TLN1: variants seen among roughly 807,000 people sequenced by gnomAD.
The protein encoded by TLN1 is talin-1.
In TLN1, 56 loss-of-function variants were observed where a neutral mutation model predicts 292.3. That is an observed-to-expected ratio of 0.19 (90% CI 0.15 to 0.24). TLN1 has a LOEUF of 0.24. Ranked by LOEUF, TLN1 falls within the 10% of genes least tolerant of loss-of-function variation. The probability of loss-of-function intolerance (pLI) is 1.00; values close to 1 mark genes in which losing one functional copy is unlikely to be tolerated. For synonymous variants in TLN1, 1,119 were observed against 1,253.7 expected (o/e 0.89, Z 2.27); for missense variants, 2,433 against 3,248.2 (o/e 0.75, Z 6.10).
intron 1 of TLN1, among the ~76,000 whole-genome samples, chr9:35,729,799 G>C (rs115027024): frequency 6.6e-6 from 1 of 152,272 alleles, no homozygotes; most frequent in Admixed American, 6.5e-5. Flanking sequence ...TTGGGAAGAG[G>C]GGAAAGGATC....
chr9:35,712,940 A>C lies in TLN1; in HGVS notation c.3456T>G (p.Leu1152=). The C allele has an allele frequency of 6.2e-6, 10 of 1,610,200 alleles. No individual in the cohort carries two copies. Among genetic ancestry groups the C allele is most frequent in the Non-Finnish European group, 7.6e-6 (9 of 1,178,514 alleles). The part of the protein sequence containing the change: ...TSDPAVQAIV[L]DTASDVLDKA... ...TGTCCAGCACATCACTGGCCGTATC[A>C]AGTACAATGGCCTGCACTGCAGGAT... The change falls in exon 27 of 57, where the codon CTT becomes CTG. Residue 1152 remains leucine (L), a synonymous_variant. Coordinates refer to ENST00000314888, the MANE Select transcript of TLN1 (RefSeq NM_006289.4).
At chr9:35,720,727 G>T in intron 11 of TLN1, 85 bp downstream of exon 11, 2 of 1,353,272 alleles carry the variant, frequency 1.5e-6, no homozygotes, top group Non-Finnish European at 1.1e-6. Context: ...CCAGGTTCAA[G>T]CAATCTGAGT....
chr9:35,714,937 G>T lies in TLN1; in HGVS notation c.2755-61C>A. The T allele has an allele frequency of 6.2e-7, 1 of 1,606,406 alleles. No individual in the cohort carries two copies. The highest frequency in any genetic ancestry group is 2.2e-5 in the East Asian group (1 of 44,848). ...ATTCCCATGCCCAGCCCAGTCCCTG[G>T]CCTACCTTGCCCAGGTTATGCCTCA... On this transcript the variant is annotated intron_variant, in intron 21 of 56. Coordinates refer to ENST00000314888, the MANE Select transcript of TLN1 (RefSeq NM_006289.4). The surrounding 1 kb of genome is among the most constrained non-coding windows in gnomAD (Gnocchi z 4.6).
rs1194387777 is a variant in TLN1, at chr9:35,712,042, G to A, written c.3644C>T (p.Ala1215Val). ...GQRDVDNALRAVGDASKRLLS... is the reference protein window; with the variant it reads ...GQRDVDNALRVVGDASKRLLS... ...GAGTCGCTTGCTGGCATCTCCAACTGCCCTCAGGGCATTATCCACATCGCG... is the reference window on the plus strand; with the variant it reads ...GAGTCGCTTGCTGGCATCTCCAACTACCCTCAGGGCATTATCCACATCGCG... Residue 1215 changes from alanine to valine, a missense_variant, in exon 28 of 57, where the codon GCA becomes GTA. Physicochemically the swap from Ala to Val is moderately conservative, Grantham distance 64. Around this residue, in one of 7 missense-constraint regions of TLN1, gnomAD observed 1,384 missense variants for 1,699.6 expected, o/e 0.81. Transcript: ENST00000314888. The A allele has an allele frequency of 1.9e-6, 3 of 1,614,044 alleles. No homozygotes were observed. Among genetic ancestry groups the A allele is most frequent in the Non-Finnish European group, 2.5e-6 (3 of 1,180,026 alleles).
At position 35,706,863 on chromosome 9, in the gene TLN1, T is replaced by C; in HGVS notation, c.4993A>G (p.Ile1665Val). 1.2e-6 allele frequency: 2 copies of C among 1,614,036 alleles called. No homozygotes were observed. The highest frequency in any genetic ancestry group is 8.5e-7 in the Non-Finnish European group (1 of 1,180,010). ...APGQLECETAIAALNSCLRDL... is the reference protein window; with the variant it reads ...APGQLECETAVAALNSCLRDL... ...CGTAGACAACTGTTCAGAGCTGCAA[T>C]GGCCGTTTCACACTCCAGCTGCCCT... Residue 1665 changes from isoleucine to valine, a missense_variant, in exon 38 of 57, where the codon ATT (isoleucine) becomes GTT (valine). By Grantham distance (29) the Ile-to-Val change is conservative. Around this residue, in one of 7 missense-constraint regions of TLN1, gnomAD observed 1,384 missense variants for 1,699.6 expected, o/e 0.81. Transcript: ENST00000314888. This position sits in a 1 kb window ranked among gnomAD's most constrained non-coding sequence, Gnocchi z 4.2.
Position 35,711,735 on chromosome 9 carries a change from C to G in TLN1, c.3739G>C (p.Ala1247Pro). ...TCTGTGGCTGCCTGATTCAGCCCAG[C>G]AGCAGCTTCATTCAACCGGCTCTGA... The part of the protein sequence containing the change: ...EAQSRLNEAA[A>P]GLNQAATELV... Residue 1247 changes from alanine (A) to proline (P), a missense_variant, in exon 29 of 57, where the codon GCT becomes CCT. Around this residue, in one of 7 missense-constraint regions of TLN1, gnomAD observed 1,384 missense variants for 1,699.6 expected, o/e 0.81. Coordinates refer to ENST00000314888, the MANE Select transcript of TLN1 (RefSeq NM_006289.4). The G allele has an allele frequency of 6.2e-7, 1 of 1,614,182 alleles. No homozygotes were observed. Among genetic ancestry groups the G allele is most frequent in the East Asian group, 2.2e-5 (1 of 44,884 alleles).
At chr9:35,725,037 G>C in intron 3 of TLN1, 78 bp from the exon 4 acceptor site, 2 of 1,601,234 alleles carry the variant, frequency 1.2e-6, no homozygotes, top group Non-Finnish European at 8.5e-7. Context: ...CCCGAGGGGA[G>C]AGAGTGGAGC....
At position 35,714,157 on chromosome 9, in the gene TLN1, G is replaced by C; in HGVS notation, c.3121-76C>G. 12 of 1,602,918 alleles carry C rather than the reference G, an allele frequency of 7.5e-6. No individual in the cohort carries two copies. The highest frequency in any genetic ancestry group is 1.0e-5 in the Non-Finnish European group (12 of 1,171,564). On this transcript the variant is annotated intron_variant, in intron 24 of 56. Coordinates refer to ENST00000314888, the MANE Select transcript of TLN1 (RefSeq NM_006289.4). The surrounding 1 kb of genome is among the most constrained non-coding windows in gnomAD (Gnocchi z 4.6). ...AATGCCTCTGATTACACAATTATCT[G>C]CGTATTGGGTTATTCTGCACAGATT...
intron 25 of TLN1, 127 bp from the exon 26 acceptor site, chr9:35,713,425 T>C: frequency 1.4e-6 from 1 of 694,890 alleles, no homozygotes; most frequent in South Asian, 2.0e-5. Flanking sequence ...GGCTCCCACC[T>C]ATAATCCTAG....
chr9:35,713,077 T>C, intron 26 of TLN1, 34 bp from the exon 27 acceptor site: 1 of 1,577,824 alleles, frequency 6.3e-7, no homozygotes, highest in South Asian at 1.1e-5. Context: ...GAAGGGAAGG[T>C]GCTTTCATTG....
chr9:35,714,497 G>A lies in TLN1; in HGVS notation c.2985+77C>T, dbSNP rs1825741818. 1.3e-6 allele frequency: 2 copies of A among 1,586,164 alleles called. No individual in the cohort carries two copies. Among genetic ancestry groups the A allele is most frequent in the South Asian group, 1.1e-5 (1 of 89,856 alleles). Reference sequence around the variant, plus strand: ...GGTATTGGGAAAGAGGCTCTTGGCAGAGATTCAAACTGTGGGAGATGGAAG... The same window carrying A: ...GGTATTGGGAAAGAGGCTCTTGGCAAAGATTCAAACTGTGGGAGATGGAAG... On this transcript the variant is annotated intron_variant, in intron 23 of 56. Coordinates refer to ENST00000314888, the MANE Select transcript of TLN1 (RefSeq NM_006289.4). This position sits in a 1 kb window ranked among gnomAD's most constrained non-coding sequence, Gnocchi z 4.6.
intron 33 of TLN1, among the ~76,000 whole-genome samples, chr9:35,709,586 T>A (rs1436050329): frequency 6.6e-6 from 1 of 152,204 alleles, no homozygotes; most frequent in Non-Finnish European, 1.5e-5. Flanking sequence ...TCACTAGTAC[T>A]ATTTTAAGAA....
At position 35,703,761 on chromosome 9, in the gene TLN1, T is replaced by G. The variant is rs780527453; in HGVS notation, c.6357+14A>C. 6.2e-6 allele frequency: 10 copies of G among 1,614,244 alleles called. No individual in the cohort carries two copies. The highest frequency in any genetic ancestry group is 7.6e-6 in the Non-Finnish European group (9 of 1,180,050). On this transcript the variant is annotated intron_variant, in intron 47 of 56. Transcript: ENST00000314888. ...TCCAGTGCCCCTCCTGATGTTGCTC[T>G]CATTCTCTCCAACCTTGGCAGAGTT...
chr9:35,710,815 A>G lies in TLN1; in HGVS notation c.4185T>C (p.Ser1395=), dbSNP rs1038862651. The part of the protein sequence containing the change: ...NDMSYFGCLD[S]VMENSKVLGE... ...TGCTGACCTTTGAGTTCTCCATTACACTGTCCAGGCAACCAAAGTAGGACA... is the reference window on the plus strand; with the variant it reads ...TGCTGACCTTTGAGTTCTCCATTACGCTGTCCAGGCAACCAAAGTAGGACA... Residue 1395 remains serine (S), a synonymous_variant, in exon 32 of 57, where the codon AGT becomes AGC. Transcript: ENST00000314888. The G allele has an allele frequency of 6.2e-7, 1 of 1,614,182 alleles. No homozygotes were observed. The highest frequency in any genetic ancestry group is 2.2e-5 in the East Asian group (1 of 44,890).
At chr9:35,705,048 T>A (rs1226344223) in intron 43 of TLN1, among the ~76,000 whole-genome samples, 1 of 152,212 alleles carries the variant, frequency 6.6e-6, no homozygotes, top group African/African-American at 2.4e-5. Flanking sequence ...AGGATTGTGT[T>A]AAGCACAGTG....
Position 35,711,321 on chromosome 9 carries a change from G to C in TLN1, c.3953C>G (p.Ala1318Gly). Residue 1318 changes from alanine (A) to glycine (G), a missense_variant, in exon 30 of 57, where the codon GCT becomes GGT. This residue lies in a region of TLN1 where 1,384 missense variants were observed against 1,699.6 expected (regional missense o/e 0.81). Coordinates refer to ENST00000314888, the MANE Select transcript of TLN1 (RefSeq NM_006289.4). ...AGGGTCCGTGGACAGGGCCTTGGCAGCCAGAAGAAGTTTGCTTGAAGACAT... is the reference window on the plus strand; with the variant it reads ...AGGGTCCGTGGACAGGGCCTTGGCACCCAGAAGAAGTTTGCTTGAAGACAT... The part of the protein sequence containing the change: ...ISMSSSKLLL[A>G]AKALSTDPAA... The C allele has an allele frequency of 1.2e-6, 2 of 1,614,202 alleles. No individual in the cohort carries two copies. The highest frequency in any genetic ancestry group is 1.7e-6 in the Non-Finnish European group (2 of 1,180,040).
intron 33 of TLN1, among the ~76,000 whole-genome samples, chr9:35,708,857 C>G (rs1825610780): frequency 6.6e-6 from 1 of 152,130 alleles, no homozygotes; most frequent in African/African-American, 2.4e-5. Context: ...AAATACACAC[C>G]TTTGTGCACA....
chr9:35,707,860 G>T lies in TLN1; in HGVS notation c.4503C>A (p.His1501Gln). 6.2e-7 allele frequency: 1 copy of T among 1,614,036 alleles called. No individual in the cohort carries two copies. The highest frequency in any genetic ancestry group is 1.1e-5 in the South Asian group (1 of 91,070). ...GACAGCTGTTACACAGTGCAGAGGT[G>T]TGTTTAGCCACAATGGTGGCTGCAG... is the stretch of plus-strand genomic sequence containing the variant. The part of the protein sequence containing the change: ...VLSAATIVAK[H>Q]TSALCNSCRL... Residue 1501 changes from histidine (H) to glutamine (Q), a missense_variant, in exon 35 of 57, where the codon CAC (histidine) becomes CAA (glutamine). By Grantham distance (24) the His-to-Gln change is conservative. Around this residue, in one of 7 missense-constraint regions of TLN1, gnomAD observed 1,384 missense variants for 1,699.6 expected, o/e 0.81. Transcript: ENST00000314888. This position sits in a 1 kb window ranked among gnomAD's most constrained non-coding sequence, Gnocchi z 5.6.
chr9:35,713,835 A>G, intron 25 of TLN1, 118 bp downstream of exon 25: 1 of 1,099,950 alleles, frequency 9.1e-7, no homozygotes, highest in Non-Finnish European at 1.3e-6. Context: ...AAGAAAAATA[A>G]AAGAGAGAAA....
Sources: gnomAD v4.1 joint callset for allele counts (sites outside exome capture counted in the v4.1 genomes callset) on GRCh38, gnomAD v4.1.1 for gene constraint, gnomAD v4.1.1 regional missense constraint, Gnocchi (gnomAD v3.1) non-coding constraint, MANE v1.5 for transcripts, NCBI Gene and HGNC (gene_info 2026-07-23, HGNC 2026-07-21) for gene names.